SORCS1: variants seen among roughly 807,000 people sequenced by gnomAD.
SORCS1 encodes the protein sortilin related VPS10 domain containing receptor 1, also known as VPS10 domain-containing receptor SorCS1.
A neutral mutation model predicts 146.1 loss-of-function variants in SORCS1; 60 were observed. The ratio of observed to expected loss-of-function variants is 0.41; its 90% CI spans 0.33 to 0.51. The LOEUF is 0.51. Ranked by LOEUF, SORCS1 falls within the 20% of genes least tolerant of loss-of-function variation. The pLI is 0.21. For missense variants in SORCS1, 1,352 were observed against 1,487.6 expected, an observed-to-expected ratio of 0.91 and a Z score of 1.50; for synonymous variants, 637 against 584.0, an observed-to-expected ratio of 1.09 and a Z score of -1.31.
At chr10:107,003,259 AG>A (rs1285974704) in intron 1 of SORCS1, among the ~76,000 whole-genome samples, 2 of 152,094 alleles carry the variant, frequency 1.3e-5, no homozygotes, top group Non-Finnish European at 2.9e-5. Context: ...CATCTCAAAA[AG>A]GAAAAAAAAA....
chr10:106,622,347 G>C (rs1847808868), intron 19 of SORCS1, among the ~76,000 whole-genome samples: 2 of 142,718 alleles, frequency 1.4e-5, no homozygotes, highest in African/African-American at 5.2e-5. Context: ...AATAATGATA[G>C]CTAACACACA....
At chr10:106,983,390 C>T (rs1956322871) in intron 1 of SORCS1, among the ~76,000 whole-genome samples, 1 of 151,710 alleles carries the variant, frequency 6.6e-6, no homozygotes, top group Non-Finnish European at 1.5e-5. Context: ...TACAGTTACA[C>T]TCTAGTATTA....
intron 3 of SORCS1, among the ~76,000 whole-genome samples, chr10:106,794,869 T>A (rs1361899572): frequency 6.6e-6 from 1 of 152,218 alleles, no homozygotes; most frequent in Admixed American, 6.5e-5. Flanking sequence ...TCCATTCATC[T>A]ACAATTACCT....
chr10:106,683,438 C>A (rs1287340401), intron 10 of SORCS1, among the ~76,000 whole-genome samples: 1 of 152,120 alleles, frequency 6.6e-6, no homozygotes, highest in East Asian at 1.9e-4. Flanking sequence ...CAGACTTGGT[C>A]TTTTTGTACC....
chr10:106,731,638 G>A (rs11816673), intron 5 of SORCS1, among the ~76,000 whole-genome samples: 2,684 of 152,122 alleles, frequency 0.018, 85 homozygotes, highest in African/African-American at 0.062. Context: ...ATCCTGTAAG[G>A]TCCTTATCAG....
intron 2 of SORCS1, among the ~76,000 whole-genome samples, chr10:106,874,854 T>C (rs1564761008): frequency 1.3e-5 from 2 of 152,226 alleles, no homozygotes; most frequent in Non-Finnish European, 2.9e-5. Context: ...TGGATTTTAT[T>C]ATGTGTAAAG....
At chr10:106,833,691 T>C (rs1027201155) in intron 2 of SORCS1, among the ~76,000 whole-genome samples, 1 of 152,212 alleles carries the variant, frequency 6.6e-6, no homozygotes, top group Non-Finnish European at 1.5e-5. Context: ...TGTGCTGATC[T>C]GTCGATGCCT....
At chr10:106,594,217 G>A (rs983036692) in intron 24 of SORCS1, among the ~76,000 whole-genome samples, 1 of 152,172 alleles carries the variant, frequency 6.6e-6, no homozygotes, top group Admixed American at 6.5e-5. Flanking sequence ...ATTTGTCATT[G>A]AAGAAAGTTT....
intron 1 of SORCS1, among the ~76,000 whole-genome samples, chr10:107,003,775 T>C (rs1957317363): frequency 6.6e-6 from 1 of 152,086 alleles, no homozygotes; most frequent in Non-Finnish European, 1.5e-5. Flanking sequence ...CTAGTGTGCC[T>C]CTTGTTACAT....
chr10:106,870,498 C>A (rs1950368098), intron 2 of SORCS1, among the ~76,000 whole-genome samples: 2 of 151,984 alleles, frequency 1.3e-5, no homozygotes, highest in African/African-American at 4.8e-5. Context: ...GCACATAGAC[C>A]AATGGAACAG....
Position 107,071,235 on chromosome 10 carries a change from T to C in SORCS1, c.558+92734A>G, listed in dbSNP as rs570983441. 4.6e-5 allele frequency among the ~76,000 whole-genome samples: 7 copies of C among 152,292 alleles called. No homozygotes were observed. In the East Asian group the frequency reaches 1.4e-3, roughly 29 times the overall value. On this transcript the variant is annotated intron_variant, in intron 1 of 25. Coordinates refer to ENST00000263054, the MANE Select transcript of SORCS1 (RefSeq NM_052918.5). The stretch of plus-strand genomic sequence containing the variant: ...ATGCTGGTATTTTTTTAAGTGGTTG[T>C]TTTTATTTATGTTCACTCTCCAAAT...
chr10:107,025,561 G>C (rs2133896513), intron 1 of SORCS1, among the ~76,000 whole-genome samples: 1 of 152,154 alleles, frequency 6.6e-6, no homozygotes. Context: ...AGAAGATGAA[G>C]CAAATCAGAT....
chr10:107,052,417 T>A (rs1960207328), intron 1 of SORCS1, among the ~76,000 whole-genome samples: 1 of 152,146 alleles, frequency 6.6e-6, no homozygotes. Context: ...CTATTGGGAT[T>A]CTTTTTTTAA....
chr10:106,942,263 G>A (rs1954081697), intron 2 of SORCS1, among the ~76,000 whole-genome samples: 2 of 152,230 alleles, frequency 1.3e-5, no homozygotes, highest in South Asian at 4.1e-4. Flanking sequence ...TGGATCGAAG[G>A]TCCTACTGTT....
chr10:106,860,559 G>A (rs568041292), intron 2 of SORCS1, among the ~76,000 whole-genome samples: 8 of 152,332 alleles, frequency 5.3e-5, no homozygotes, highest in African/African-American at 1.4e-4. Context: ...CAGATGAGGA[G>A]ACCAAGACTT....
chr10:106,777,100 AAGAGG>A (rs1362879311), intron 3 of SORCS1, among the ~76,000 whole-genome samples: 1 of 152,176 alleles, frequency 6.6e-6, no homozygotes, highest in Non-Finnish European at 1.5e-5. Context: ...GTGGAAGAGA[AAGAGG>A]ATGGAGTCCA....
rs1017477998 is a variant in SORCS1, at chr10:106,619,149, T to C, written c.2797-877A>G. ...CTTTTAAAAGGAAAAATAAAAAAAA[T>C]AAAAAACAATAGGGGGTACAAAAGG... On this transcript the variant is annotated intron_variant, in intron 20 of 25. Coordinates refer to ENST00000263054, the MANE Select transcript of SORCS1 (RefSeq NM_052918.5). 2.0e-5 allele frequency among the ~76,000 whole-genome samples: 3 copies of C among 151,992 alleles called. No homozygotes were observed. In the South Asian group the frequency reaches 6.2e-4, roughly 32 times the overall value.
intron 2 of SORCS1, among the ~76,000 whole-genome samples, chr10:106,942,412 G>T (rs891810717): frequency 6.6e-6 from 1 of 152,022 alleles, no homozygotes; most frequent in African/African-American, 2.4e-5. Context: ...ATGCCTTCTT[G>T]TGTGTTACAC....
intron 1 of SORCS1, among the ~76,000 whole-genome samples, chr10:106,966,892 C>T (rs1231356641): frequency 6.6e-6 from 1 of 151,798 alleles, no homozygotes. Context: ...TAGTAACAAA[C>T]CCAAAAAATA....
Sources: allele counts gnomAD v4.1 joint callset (sites outside exome capture counted in the v4.1 genomes callset), GRCh38; gene constraint gnomAD v4.1.1; transcripts MANE v1.5; gene names NCBI Gene and HGNC (gene_info 2026-07-23, HGNC 2026-07-21).